MYO3B: variants seen among roughly 807,000 people sequenced by gnomAD.
MYO3B encodes the protein myosin IIIB.
Under a neutral mutation model 174.6 loss-of-function variants are expected in MYO3B, and 156 were observed. The ratio of observed to expected loss-of-function variants is 0.89; its 90% CI spans 0.78 to 1.02. The LOEUF (loss-of-function observed/expected upper bound fraction) is 1.02, where lower values mean the gene tolerates loss of function less well. Among genes scored for constraint, MYO3B ranks in the 50% least tolerant of loss-of-function variants. The pLI is 0.00. For synonymous variants in MYO3B, 563 were observed against 569.1 expected (o/e 0.99, Z 0.15); for missense variants, 1,632 against 1,639.4 (o/e 1.00, Z 0.08).
chr2:170,401,443 C>T (rs1037884702), intron 17 of MYO3B, 38 bp from the exon 18 acceptor site: 1 of 1,572,864 alleles, frequency 6.4e-7, no homozygotes, highest in African/African-American at 1.4e-5. Flanking sequence ...GAATGAAGGT[C>T]TGGCTACATT....
rs1558910566 is a variant in MYO3B, at chr2:170,347,420, A to T, written c.815+11970A>T. ...AGTTCAAGACCAGCCTGGCCAACAC[A>T]GTGAAACCCCATCTCTGCTGAAAAT... On this transcript the variant is annotated intron_variant, in intron 8 of 34. Transcript: ENST00000408978. Among the ~76,000 whole-genome samples the T allele has an allele frequency of 4.6e-5, 7 of 152,170 alleles. No homozygotes were observed. The South Asian group carries it at 1.5e-3, about 32-fold the overall frequency.
At position 170,236,121 on chromosome 2, in the gene MYO3B, T is replaced by A. The variant is rs780840339; in HGVS notation, c.734T>A (p.Leu245His). The A allele has an allele frequency of 1.1e-5, 17 of 1,614,032 alleles. No individual in the cohort carries two copies. The highest frequency in any genetic ancestry group is 1.4e-5 in the Non-Finnish European group (17 of 1,180,024). ...TTTGACATGCATCCTGTGAAAACAC[T>A]CTTTAAGATTCCAAGGTAAGACACA... ...PLFDMHPVKTLFKIPRNPPPT... is the reference protein window; with the variant it reads ...PLFDMHPVKTHFKIPRNPPPT... Residue 245 changes from leucine (L) to histidine (H), a missense_variant, in exon 7 of 35, where the codon CTC (leucine) becomes CAC (histidine). Transcript: ENST00000408978.
At chr2:170,457,383 G>A (rs1434675161) in intron 23 of MYO3B, among the ~76,000 whole-genome samples, 1 of 149,502 alleles carries the variant, frequency 6.7e-6, no homozygotes, top group Non-Finnish European at 1.5e-5. Flanking sequence ...TTTTTTTTTT[G>A]TAATAACACT....
intron 32 of MYO3B, among the ~76,000 whole-genome samples, chr2:170,603,273 G>A (rs73978731): frequency 0.031 from 4,661 of 152,068 alleles, 266 homozygotes; most frequent in African/African-American, 0.11. Context: ...ATTGTTTGAA[G>A]TGGAAAATAT....
intron 27 of MYO3B, 133 bp downstream of exon 27, chr2:170,499,941 T>TCTCCCCTCCCTCCCTC: frequency 3.0e-6 from 2 of 676,048 alleles, no homozygotes; most frequent in Non-Finnish European, 4.7e-6. Context: ...CTCCCTTCCT[T>TCTCCCCTCCCTCCCTC]CCTTCCTTCT....
intron 7 of MYO3B, among the ~76,000 whole-genome samples, chr2:170,314,387 A>G (rs770122919): frequency 3.9e-5 from 6 of 152,170 alleles, no homozygotes; most frequent in Non-Finnish European, 8.8e-5. Flanking sequence ...GTGATTTGCT[A>G]CCCACTGTAA....
intron 25 of MYO3B, among the ~76,000 whole-genome samples, chr2:170,476,831 G>T (rs1559039124): frequency 6.6e-6 from 1 of 151,996 alleles, no homozygotes; most frequent in Non-Finnish European, 1.5e-5. Context: ...CTTCTACCGA[G>T]TATTTCCCTG....
At chr2:170,608,390 A>G (rs1388904429) in intron 32 of MYO3B, among the ~76,000 whole-genome samples, 1 of 152,228 alleles carries the variant, frequency 6.6e-6, no homozygotes, top group Non-Finnish European at 1.5e-5. Flanking sequence ...AATAGACATT[A>G]AAAGGATGGT....
intron 32 of MYO3B, among the ~76,000 whole-genome samples, chr2:170,567,667 A>G (rs1004334023): frequency 2.0e-5 from 3 of 152,322 alleles, no homozygotes; most frequent in Admixed American, 2.0e-4. Context: ...TAATGCTGAG[A>G]GGCCTCCAGG....
intron 32 of MYO3B, among the ~76,000 whole-genome samples, chr2:170,546,664 C>T (rs755841561): frequency 8.5e-5 from 13 of 152,090 alleles, no homozygotes; most frequent in African/African-American, 1.7e-4. Context: ...TTAGTTTTTC[C>T]GTTTCGCATA....
chr2:170,574,631 T>G (rs1478872268), intron 32 of MYO3B, among the ~76,000 whole-genome samples: 2 of 152,188 alleles, frequency 1.3e-5, no homozygotes, highest in Non-Finnish European at 2.9e-5. Flanking sequence ...AACACGATTC[T>G]CTTGTAAAAA....
intron 22 of MYO3B, among the ~76,000 whole-genome samples, chr2:170,409,050 A>G (rs1263532454): frequency 6.6e-6 from 1 of 152,218 alleles, no homozygotes; most frequent in Non-Finnish European, 1.5e-5. Context: ...AGAGGTGAAG[A>G]GACAGCCATT....
intron 29 of MYO3B, among the ~76,000 whole-genome samples, chr2:170,515,629 T>C (rs1688257594): frequency 4.6e-5 from 7 of 152,102 alleles, no homozygotes; most frequent in Admixed American, 4.6e-4. Flanking sequence ...TTTTGAATTT[T>C]GAAGGTCCCT....
intron 30 of MYO3B, among the ~76,000 whole-genome samples, chr2:170,523,864 A>C (rs1688832687): frequency 6.6e-6 from 1 of 152,190 alleles, no homozygotes. Flanking sequence ...CTTTTCTTGC[A>C]TATGATTGGC....
chr2:170,483,818 C>T (rs1042034389), intron 25 of MYO3B, among the ~76,000 whole-genome samples: 1 of 152,200 alleles, frequency 6.6e-6, no homozygotes, highest in African/African-American at 2.4e-5. Context: ...AGCACAGCTT[C>T]ACTCTTCAAC....
chr2:170,550,811 G>A (rs1690827040), intron 32 of MYO3B, among the ~76,000 whole-genome samples: 1 of 152,206 alleles, frequency 6.6e-6, no homozygotes, highest in African/African-American at 2.4e-5. Context: ...TAGCTTTGCT[G>A]TGCAGGAAGA....
intron 8 of MYO3B, among the ~76,000 whole-genome samples, chr2:170,354,911 T>G (rs954175237): frequency 6.6e-6 from 1 of 151,896 alleles, no homozygotes; most frequent in African/African-American, 2.4e-5. Flanking sequence ...CTTGCAAAAA[T>G]TCAGTGCTTG....
chr2:170,201,039 T>A (rs1302549095), intron 3 of MYO3B, among the ~76,000 whole-genome samples: 2 of 152,138 alleles, frequency 1.3e-5, no homozygotes, highest in East Asian at 3.9e-4. Context: ...GCATCCACTG[T>A]GAAGAGGGAA....
chr2:170,424,896 T>C (rs75950881), intron 22 of MYO3B, among the ~76,000 whole-genome samples: 1,972 of 152,378 alleles, frequency 0.013, 46 homozygotes, highest in African/African-American at 0.044. Flanking sequence ...GAAATTCTGC[T>C]TCTCTCTGCC....
Sources: allele counts gnomAD v4.1 joint callset (sites outside exome capture counted in the v4.1 genomes callset), GRCh38; gene constraint gnomAD v4.1.1; transcripts MANE v1.5; gene names NCBI Gene and HGNC (gene_info 2026-07-23, HGNC 2026-07-21).